PCDHA13: variants seen among roughly 807,000 people sequenced by gnomAD.
The protein encoded by PCDHA13 is protocadherin alpha 13, also known as protocadherin alpha-13.
PCDHA13 carries 54 observed loss-of-function variants against 64.8 expected under a neutral mutation model. The ratio of observed to expected loss-of-function variants is 0.83; its 90% CI spans 0.67 to 1.04. PCDHA13 has a LOEUF of 1.04. PCDHA13 is among the 50% of genes least tolerant of loss of function. The probability of loss-of-function intolerance (pLI) is 0.00; values close to 1 mark genes in which losing one functional copy is unlikely to be tolerated. For synonymous variants in PCDHA13, 587 were observed against 564.4 expected (o/e 1.04, Z -0.57); for missense variants, 1,248 against 1,254.3 (o/e 0.99, Z 0.08).
In PCDHA13 at chr5:140,883,365, G is replaced by A; in HGVS notation, c.1097G>A (p.Ser366Asn). The change falls in exon 1 of 4, where the codon AGC (serine) becomes AAC (asparagine). Residue 366 changes from serine (S) to asparagine (N), a missense_variant. Coordinates refer to ENST00000289272, the MANE Select transcript of PCDHA13 (RefSeq NM_018904.3). ...CCCATCAGAGAAGACACTCAGCCTA[G>A]CGCCATTATTGCCCTAATCAGTGTG... ...SLPIREDTQP[S>N]AIIALISVSD... The A allele has an allele frequency of 6.2e-7, 1 of 1,614,148 alleles. No individual in the cohort carries two copies. Among genetic ancestry groups the A allele is most frequent in the Non-Finnish European group, 8.5e-7 (1 of 1,180,036 alleles).
In PCDHA13 at chr5:140,882,928, C is replaced by T; in HGVS notation, c.660C>T (p.Pro220=). 6.2e-7 allele frequency: 1 copy of T among 1,614,140 alleles called. No individual in the cohort carries two copies. Among genetic ancestry groups the T allele is most frequent in the Non-Finnish European group, 8.5e-7 (1 of 1,180,030 alleles). Residue 220 remains proline (P), a synonymous_variant, in exon 1 of 4, where the codon CCC becomes CCT. Coordinates refer to ENST00000289272, the MANE Select transcript of PCDHA13 (RefSeq NM_018904.3). ...LLLTASDGGK[P]ELTGTVQLLI... is the part of the protein sequence containing the mutation. ...TGACAGCCAGTGATGGAGGTAAACCCGAGCTGACTGGCACAGTTCAGCTGC... is the reference window on the plus strand; with the variant it reads ...TGACAGCCAGTGATGGAGGTAAACCTGAGCTGACTGGCACAGTTCAGCTGC...
At chr5:140,985,127 C>T (rs986497777) in intron 3 of PCDHA13, among the ~76,000 whole-genome samples, 7 of 152,152 alleles carry the variant, frequency 4.6e-5, no homozygotes, top group Non-Finnish European at 1.0e-4. Flanking sequence ...TTAGTAAAGA[C>T]GGGGTTTCAC....
rs34213614 is a variant in PCDHA13 at position 140,896,536 on chromosome 5, C to CTT, written c.2394+11885_2394+11886dup. ...CACACCACAAAGCCCAGCTATTTTT[C>CTT]TTTTTTTTTTTTGTATTTTAAGTAG... On this transcript the variant is annotated intron_variant, in intron 1 of 3. Coordinates refer to ENST00000289272, the MANE Select transcript of PCDHA13 (RefSeq NM_018904.3). 2.9e-3 allele frequency among the ~76,000 whole-genome samples: 427 copies of CTT among 145,644 alleles called. 4 individuals are homozygous for CTT. Among genetic ancestry groups the CTT allele is most frequent in the African/African-American group, 7.7e-3 (305 of 39,602 alleles).
intron 1 of PCDHA13, among the ~76,000 whole-genome samples, chr5:140,956,385 T>C (rs1313427005): frequency 6.6e-6 from 1 of 152,198 alleles, no homozygotes; most frequent in Non-Finnish European, 1.5e-5. Flanking sequence ...ATCGAAGGCC[T>C]TTTCTGAATC....
At position 140,928,086 on chromosome 5, in the gene PCDHA13, G is replaced by A. The variant is rs17844363; in HGVS notation, c.2394+43424G>A. The A allele has an allele frequency of 1.9e-4, 304 of 1,614,206 alleles. No homozygotes were observed. The East Asian group carries it at 3.7e-3, about 20-fold the overall frequency. On this transcript the variant is annotated intron_variant, in intron 1 of 3. Transcript: ENST00000289272. ...CCTTTGACAACTACTACAGCCTGCT[G>A]ATTGATGGGCCCCTGGACCGGGAGC...
intron 1 of PCDHA13, among the ~76,000 whole-genome samples, chr5:140,887,179 C>A (rs984497356): frequency 6.6e-6 from 1 of 151,850 alleles, no homozygotes; most frequent in Non-Finnish European, 1.5e-5. Context: ...TCACTGCAAG[C>A]TCCACCTCCC....
intron 1 of PCDHA13, among the ~76,000 whole-genome samples, chr5:140,904,628 A>G (rs2071277621): frequency 6.6e-6 from 1 of 152,002 alleles, no homozygotes; most frequent in African/African-American, 2.4e-5. Context: ...TTAGTTCTTT[A>G]AGGAATCTCC....
chr5:140,940,666 A>G (rs1398290925), intron 1 of PCDHA13, among the ~76,000 whole-genome samples: 1 of 152,176 alleles, frequency 6.6e-6, no homozygotes, highest in Non-Finnish European at 1.5e-5. Flanking sequence ...TTAAATCTTC[A>G]TCTGATAATT....
chr5:140,905,396 C>T (rs913640299), intron 1 of PCDHA13, among the ~76,000 whole-genome samples: 1 of 152,080 alleles, frequency 6.6e-6, no homozygotes, highest in Non-Finnish European at 1.5e-5. Flanking sequence ...GGTCTGTGTG[C>T]CTATTTTTAT....
intron 1 of PCDHA13, among the ~76,000 whole-genome samples, chr5:140,895,581 TTAGA>T (rs1442561424): frequency 6.6e-6 from 1 of 152,216 alleles, no homozygotes; most frequent in Non-Finnish European, 1.5e-5. Flanking sequence ...AATTACTTTA[TTAGA>T]TATATAATTT....
At chr5:140,942,361 G>A (rs1554214935) in intron 1 of PCDHA13, among the ~76,000 whole-genome samples, 1 of 151,920 alleles carries the variant, frequency 6.6e-6, no homozygotes, top group East Asian at 1.9e-4. Context: ...GCAGTTAACG[G>A]AGATTGCACC....
chr5:140,985,494 C>G (rs1217361161), intron 3 of PCDHA13, among the ~76,000 whole-genome samples: 2 of 152,136 alleles, frequency 1.3e-5, no homozygotes, highest in Non-Finnish European at 2.9e-5. Flanking sequence ...TCAAATAGAG[C>G]CTGCCTTTCA....
chr5:140,914,771 ACTTAT>A (rs1394572780), intron 1 of PCDHA13, among the ~76,000 whole-genome samples: 1 of 151,760 alleles, frequency 6.6e-6, no homozygotes, highest in Non-Finnish European at 1.5e-5. Context: ...GAGGTTTATG[ACTTAT>A]CTTATGACCC....
At chr5:140,984,031 CAT>C (rs2153832931) in intron 3 of PCDHA13, among the ~76,000 whole-genome samples, 1 of 152,260 alleles carries the variant, frequency 6.6e-6, no homozygotes, top group South Asian at 2.1e-4. Context: ...AGGGGAAAAA[CAT>C]AAAATAGTTC....
intron 1 of PCDHA13, among the ~76,000 whole-genome samples, chr5:140,960,851 T>C (rs782540669): frequency 5.3e-5 from 8 of 152,210 alleles, no homozygotes; most frequent in Non-Finnish European, 7.3e-5. Context: ...TAATGGCAAC[T>C]ATAAGCCAGA....
chr5:140,976,383 T>G (rs963492291), intron 1 of PCDHA13, among the ~76,000 whole-genome samples: 4 of 152,058 alleles, frequency 2.6e-5, no homozygotes, highest in African/African-American at 9.7e-5. Context: ...AAACCCCATC[T>G]CTACTAAAAA....
chr5:140,953,443 A>G (rs1434216967), intron 1 of PCDHA13, among the ~76,000 whole-genome samples: 1 of 152,078 alleles, frequency 6.6e-6, no homozygotes, highest in Non-Finnish European at 1.5e-5. Flanking sequence ...TGGAGAAACT[A>G]GGGATTATCT....
At chr5:140,895,165 T>C (rs28385500) in intron 1 of PCDHA13, among the ~76,000 whole-genome samples, 2,119 of 152,268 alleles carry the variant, frequency 0.014, 42 homozygotes, top group African/African-American at 0.049. Context: ...CACAATCCAA[T>C]CTATTTGTAG....
intron 1 of PCDHA13, among the ~76,000 whole-genome samples, chr5:140,971,248 A>G (rs552592175): frequency 6.6e-6 from 1 of 152,330 alleles, no homozygotes; most frequent in East Asian, 1.9e-4. Context: ...AATTTGATAC[A>G]TAAACTATTT....
Sources: allele counts gnomAD v4.1 joint callset (sites outside exome capture counted in the v4.1 genomes callset), GRCh38; gene constraint gnomAD v4.1.1; transcripts MANE v1.5; gene names NCBI Gene and HGNC (gene_info 2026-07-23, HGNC 2026-07-21).